The following CSMD1 variants were observed in gnomAD, a reference collection of about 807,000 sequenced individuals.
CSMD1 encodes CUB and sushi domain-containing protein 1.
CSMD1 carries 213 observed loss-of-function variants against 417.5 expected under a neutral mutation model. The observed-to-expected ratio is 0.51, with a 90% confidence interval of 0.46 to 0.57. The LOEUF (loss-of-function observed/expected upper bound fraction) is 0.57. Among genes scored for constraint, CSMD1 ranks in the 20% least tolerant of loss-of-function variants. The pLI, the probability that CSMD1 is intolerant of heterozygous loss-of-function variation, is 0.00. For missense variants in CSMD1, 6,923 were observed against 4,529.7 expected (o/e 1.53, Z -15.17); for synonymous variants, 2,862 against 1,736.8 (o/e 1.65, Z -16.11).
At chr8:4,422,911 G>A (rs142441881) in intron 2 of CSMD1, among the ~76,000 whole-genome samples, 1 of 151,856 alleles carries the variant, frequency 6.6e-6, no homozygotes, top group South Asian at 2.1e-4. Flanking sequence ...ATATTAATGG[G>A]CTAACAAAGT....
intron 3 of CSMD1, among the ~76,000 whole-genome samples, chr8:4,092,091 G>C (rs755772578): frequency 6.6e-6 from 1 of 152,194 alleles, no homozygotes; most frequent in Admixed American, 6.5e-5. Flanking sequence ...TAAGAGGGAC[G>C]TAATTCTGAT....
At chr8:3,628,955 G>C (rs192997972) in intron 7 of CSMD1, among the ~76,000 whole-genome samples, 1 of 151,656 alleles carries the variant, frequency 6.6e-6, no homozygotes, top group African/African-American at 2.4e-5. Context: ...AACAAAAGAA[G>C]AATAAAAGAT....
intron 1 of CSMD1, among the ~76,000 whole-genome samples, chr8:4,868,653 A>G (rs1490415102): frequency 6.6e-6 from 1 of 152,098 alleles, no homozygotes; most frequent in Non-Finnish European, 1.5e-5. Context: ...GTAATTGAAA[A>G]TTATTACCTA....
chr8:3,786,164 G>C (rs1000189212), intron 5 of CSMD1, among the ~76,000 whole-genome samples: 8 of 152,136 alleles, frequency 5.3e-5, no homozygotes, highest in Non-Finnish European at 8.8e-5. Context: ...GGAGCACCTG[G>C]TTTGGGGCCA....
chr8:3,642,422 T>C (rs1797352841), intron 7 of CSMD1, among the ~76,000 whole-genome samples: 1 of 152,144 alleles, frequency 6.6e-6, no homozygotes, highest in Non-Finnish European at 1.5e-5. Flanking sequence ...AAATTTATGA[T>C]ACCTATATGG....
At chr8:3,577,090 A>T (rs916235752) in intron 9 of CSMD1, among the ~76,000 whole-genome samples, 1 of 152,206 alleles carries the variant, frequency 6.6e-6, no homozygotes, top group African/African-American at 2.4e-5. Flanking sequence ...AGGTGGGCTC[A>T]GCCTGTCATT....
intron 25 of CSMD1, among the ~76,000 whole-genome samples, chr8:3,301,495 CAG>C: frequency 6.6e-6 from 1 of 152,202 alleles, no homozygotes; most frequent in Non-Finnish European, 1.5e-5. Flanking sequence ...GGGAACAACA[CAG>C]AATATTTCTG....
chr8:3,372,240 G>A (rs1313409486), intron 18 of CSMD1, among the ~76,000 whole-genome samples: 5 of 152,184 alleles, frequency 3.3e-5, no homozygotes, highest in Non-Finnish European at 7.3e-5. Flanking sequence ...AATTTGGGTA[G>A]AGAGAAAGTG....
chr8:3,305,553 C>G (rs73502000), intron 25 of CSMD1, among the ~76,000 whole-genome samples: 2,605 of 151,242 alleles, frequency 0.017, 75 homozygotes, highest in African/African-American at 0.059. Flanking sequence ...CATTTCCTCT[C>G]TGTCTCTAGT....
rs1389403946 is a variant in CSMD1 at position 3,406,177 on chromosome 8, C to T, written c.2116G>A (p.Gly706Arg). The T allele has an allele frequency of 2.5e-6, 4 of 1,612,070 alleles. No individual in the cohort carries two copies. Among genetic ancestry groups the T allele is most frequent in the East Asian group, 2.2e-5 (1 of 44,768 alleles). ...ECHDPGIPIN[G>R]RRFGDRFLLG... ...AGAAACCTGTCACCAAAACGTCGTC[C>T]GTTTATAGGAATGCCAGGATCATGG... The change falls in exon 15 of 70, where the codon GGA (glycine) becomes AGA (arginine). Residue 706 changes from glycine (G) to arginine (R), a missense_variant. Physicochemically the swap from Gly to Arg is moderately radical, Grantham distance 125. Transcript: ENST00000635120.
At chr8:3,076,529 C>A (rs1337648665) in intron 49 of CSMD1, among the ~76,000 whole-genome samples, 1 of 152,230 alleles carries the variant, frequency 6.6e-6, no homozygotes, top group Non-Finnish European at 1.5e-5. Context: ...TCTGGTGCCA[C>A]TGCCCAGTCA....
At chr8:4,987,280 A>G (rs1045147135) in intron 1 of CSMD1, among the ~76,000 whole-genome samples, 1 of 152,206 alleles carries the variant, frequency 6.6e-6, no homozygotes, top group African/African-American at 2.4e-5. Context: ...TAGGCACACA[A>G]AGTTTACATA....
At chr8:4,114,286 G>C (rs1050893639) in intron 3 of CSMD1, among the ~76,000 whole-genome samples, 9 of 152,274 alleles carry the variant, frequency 5.9e-5, no homozygotes, top group Non-Finnish European at 1.2e-4. Context: ...CACTCTGCCT[G>C]TGCTGTCTAA....
intron 9 of CSMD1, among the ~76,000 whole-genome samples, chr8:3,578,531 T>C (rs76934190): frequency 0.033 from 4,996 of 152,222 alleles, 277 homozygotes; most frequent in African/African-American, 0.11. Flanking sequence ...TTGTCGCCTA[T>C]TGGGGGGCTG....
chr8:3,939,052 G>C (rs769132835), intron 5 of CSMD1, among the ~76,000 whole-genome samples: 6 of 152,000 alleles, frequency 3.9e-5, no homozygotes, highest in African/African-American at 7.2e-5. Context: ...AGTAATTATT[G>C]AGCCAACAGT....
chr8:3,220,023 T>C (rs1455568612), intron 28 of CSMD1, among the ~76,000 whole-genome samples: 1 of 152,018 alleles, frequency 6.6e-6, no homozygotes, highest in Non-Finnish European at 1.5e-5. Context: ...TGCACACTTG[T>C]AGTCCTAGCT....
At chr8:4,264,846 C>G (rs891170547) in intron 3 of CSMD1, among the ~76,000 whole-genome samples, 3 of 152,142 alleles carry the variant, frequency 2.0e-5, no homozygotes, top group Non-Finnish European at 2.9e-5. Flanking sequence ...AATTTCAATC[C>G]TAGATGAGTA....
intron 10 of CSMD1, among the ~76,000 whole-genome samples, chr8:3,563,309 T>C (rs879779772): frequency 2.6e-5 from 4 of 151,986 alleles, no homozygotes; most frequent in South Asian, 2.1e-4. Context: ...ATTTAAACAA[T>C]TGCTGAATAT....
chr8:4,762,173 C>G (rs948772767), intron 1 of CSMD1, among the ~76,000 whole-genome samples: 2 of 151,872 alleles, frequency 1.3e-5, no homozygotes, highest in African/African-American at 2.4e-5. Context: ...AAAAGAGAAC[C>G]AAAATATCTC....
Sources: allele counts gnomAD v4.1 joint callset (sites outside exome capture counted in the v4.1 genomes callset), GRCh38; gene constraint gnomAD v4.1.1; transcripts MANE v1.5; gene names NCBI Gene and HGNC (gene_info 2026-07-23, HGNC 2026-07-21).